RNF125: variants seen among roughly 807,000 people sequenced by gnomAD.
RNF125 encodes ring finger protein 125, also known as E3 ubiquitin-protein ligase RNF125.
A neutral mutation model predicts 26.0 loss-of-function variants in RNF125; 21 were observed. The ratio of observed to expected loss-of-function variants is 0.81; its 90% CI spans 0.57 to 1.16. The LOEUF (loss-of-function observed/expected upper bound fraction) is 1.16, where lower values mean the gene tolerates loss of function less well. RNF125 is among the 50% of genes most tolerant of loss of function. RNF125 has a pLI of 0.00. For synonymous variants in RNF125, 95 were observed against 109.2 expected (o/e 0.87, Z 0.81); for missense variants, 270 against 299.4 (o/e 0.90, Z 0.72).
downstream of RNF125, among the ~76,000 whole-genome samples, chr18:32,073,436 TGCTGTTCAGCATTCTACAGTGC>T (rs2039549661): frequency 6.6e-6 from 1 of 152,222 alleles, no homozygotes; most frequent in African/African-American, 2.4e-5. Context: ...AGGTCAGGGA[TGCTGTTCAGCATTCTACAGTGC>T]ACAAGACAGC....
chr18:32,024,914 C>T (rs1461870831), intron 1 of RNF125, among the ~76,000 whole-genome samples: 1 of 152,074 alleles, frequency 6.6e-6, no homozygotes, highest in Non-Finnish European at 1.5e-5. Context: ...AACCTTGTCC[C>T]TACTGAAAAT....
At chr18:32,080,622 A>G in the RNF125 span, among the ~76,000 whole-genome samples, 2 of 152,238 alleles carry the variant, frequency 1.3e-5, no homozygotes, top group African/African-American at 2.4e-5. Flanking sequence ...ATGGAGTTTC[A>G]GTTCTGCAAG....
chr18:32,024,164 TA>T (rs1420255288), intron 1 of RNF125, among the ~76,000 whole-genome samples: 2 of 150,498 alleles, frequency 1.3e-5, no homozygotes, highest in Non-Finnish European at 3.0e-5. Context: ...CGTTTTCCAT[TA>T]ACAAAAAAAT....
downstream of RNF125, among the ~76,000 whole-genome samples, chr18:32,078,172 G>C (rs2039582308): frequency 6.6e-6 from 1 of 152,138 alleles, no homozygotes; most frequent in African/African-American, 2.4e-5. Context: ...TGGTGAAACT[G>C]GCATATTGTG....
chr18:32,050,883 T>C (rs1292810559), intron 4 of RNF125, among the ~76,000 whole-genome samples: 4 of 125,556 alleles, frequency 3.2e-5, no homozygotes, highest in Admixed American at 8.1e-5. Flanking sequence ...TTTTTTTTTT[T>C]TTTTTTTTTT....
At chr18:32,074,083 G>A (rs1212422591), downstream of RNF125, among the ~76,000 whole-genome samples, 2 of 152,156 alleles carry the variant, frequency 1.3e-5, no homozygotes, top group African/African-American at 4.8e-5. Flanking sequence ...CTGGATTATG[G>A]TACAATTACA....
At chr18:32,090,381 T>C in the RNF125 span, among the ~76,000 whole-genome samples, 1 of 152,174 alleles carries the variant, frequency 6.6e-6, no homozygotes, top group Non-Finnish European at 1.5e-5. Flanking sequence ...GTGCTCTTCC[T>C]CCTTCCAGGA....
intron 1 of RNF125, among the ~76,000 whole-genome samples, chr18:32,029,760 T>A (rs1336019504): frequency 2.0e-5 from 3 of 152,152 alleles, no homozygotes; most frequent in Non-Finnish European, 2.9e-5. Context: ...TCAGAGAGAC[T>A]GGCACAGGAG....
At position 32,050,368 on chromosome 18, in the gene RNF125, G is replaced by T. The variant is rs140044245; in HGVS notation, c.504+4636G>T. Among the ~76,000 whole-genome samples the T allele has an allele frequency of 1.5e-3, 228 of 152,228 alleles. 1 individual carries two copies. Among genetic ancestry groups the T allele is most frequent in the African/African-American group, 5.3e-3 (221 of 41,534 alleles). On this transcript the variant is annotated intron_variant, in intron 4 of 5. Coordinates refer to ENST00000217740, the MANE Select transcript of RNF125 (RefSeq NM_017831.4). ...AGGGTCTCGCTCTGTCACCCAGGCC[G>T]GACCGCAGTGGTGCAGTAATAGCTC...
In RNF125 at chr18:32,071,005, C is replaced by G. The variant is rs1176401642; in HGVS notation, c.*2621C>G. 6.6e-6 allele frequency: 1 copy of G among 151,870 alleles called. No individual in the cohort carries two copies. Among genetic ancestry groups the G allele is most frequent in the African/African-American group, 2.4e-5 (1 of 41,366 alleles). 9.4% of individuals were successfully genotyped at this position (151,870 alleles called of 1,614,324 possible). On this transcript the variant is annotated 3_prime_UTR_variant, in exon 6 of 6. Transcript: ENST00000217740. ...AGGTGTGAGCCACTGCGCCCGACATCCCAATTTTTAAAATAGTTATACTAT... is the reference window on the plus strand; with the variant it reads ...AGGTGTGAGCCACTGCGCCCGACATGCCAATTTTTAAAATAGTTATACTAT...
At chr18:32,041,470 C>CTGT (rs2039216009) in intron 2 of RNF125, among the ~76,000 whole-genome samples, 1 of 151,812 alleles carries the variant, frequency 6.6e-6, no homozygotes, top group Admixed American at 6.6e-5. Flanking sequence ...TCTCTTTTTC[C>CTGT]ATCTTAGATT....
chr18:32,058,409 G>A (rs946017404), intron 4 of RNF125, among the ~76,000 whole-genome samples: 1 of 151,806 alleles, frequency 6.6e-6, no homozygotes, highest in Admixed American at 6.6e-5. Flanking sequence ...GCAGTGGTGC[G>A]ATCTTGGCTC....
At chr18:32,061,062 G>T (rs975970951) in intron 4 of RNF125, among the ~76,000 whole-genome samples, 6 of 151,902 alleles carry the variant, frequency 3.9e-5, no homozygotes, top group African/African-American at 1.2e-4. Context: ...TCTTGCTCTG[G>T]CGCCCAGGCT....
intron 1 of RNF125, among the ~76,000 whole-genome samples, chr18:32,028,017 G>A (rs552150633): frequency 1.3e-4 from 20 of 152,040 alleles, no homozygotes; most frequent in South Asian, 4.2e-4. Context: ...GGCAGTAGTC[G>A]GCCGGGCGCG....
At chr18:32,054,310 C>T (rs2039359013) in intron 4 of RNF125, among the ~76,000 whole-genome samples, 1 of 152,188 alleles carries the variant, frequency 6.6e-6, no homozygotes, top group East Asian at 1.9e-4. Context: ...CCAAGTTGGT[C>T]TTGAACTCCT....
chr18:32,066,149 C>T (rs1383488484), intron 5 of RNF125, 140 bp downstream of exon 5: 4 of 562,534 alleles, frequency 7.1e-6, no homozygotes, highest in African/African-American at 1.9e-5. Context: ...AGTAAGAAAT[C>T]ATGAAAATAG....
Position 32,071,618 on chromosome 18 carries a change from T to G in RNF125, c.*3234T>G, listed in dbSNP as rs1363992679. 2 of 152,170 alleles carry G rather than the reference T, an allele frequency of 1.3e-5. No homozygotes were observed. The highest frequency in any genetic ancestry group is 2.9e-5 in the Non-Finnish European group (2 of 68,032). 9.4% of individuals were successfully genotyped at this position (152,170 alleles called of 1,614,324 possible). ...GAGTTAGCTTTTTAATTGTAATCAT[T>G]TATAAACTTCTTTGTTCCTTACATA... On this transcript the variant is annotated 3_prime_UTR_variant, in exon 6 of 6. Transcript: ENST00000217740.
downstream of RNF125, chr18:32,075,912 C>G: frequency 6.8e-7 from 1 of 1,469,718 alleles, no homozygotes; most frequent in Non-Finnish European, 9.4e-7. Flanking sequence ...GATTTTCCCT[C>G]CTGTGTGTTT....
intron 4 of RNF125, among the ~76,000 whole-genome samples, chr18:32,049,885 T>C (rs2039307028): frequency 6.6e-6 from 1 of 152,024 alleles, no homozygotes; most frequent in South Asian, 2.1e-4. Context: ...AGATATGTGG[T>C]ATAGCTGGGG....
Sources: gnomAD v4.1 joint callset for allele counts (sites outside exome capture counted in the v4.1 genomes callset) on GRCh38, gnomAD v4.1.1 for gene constraint, MANE v1.5 for transcripts, NCBI Gene and HGNC (gene_info 2026-07-23, HGNC 2026-07-21) for gene names.